Variants in CSMD1 observed in about 807,000 individuals in gnomAD.
CSMD1 encodes CUB and Sushi multiple domains 1.
Under a neutral mutation model 417.5 loss-of-function variants are expected in CSMD1, and 213 were observed. The observed-to-expected ratio is 0.51, with a 90% CI of 0.46 to 0.57. CSMD1 has a LOEUF of 0.57. CSMD1 is among the 20% of genes least tolerant of loss of function. The probability of loss-of-function intolerance (pLI) is 0.00; values close to 1 mark genes in which losing one functional copy is unlikely to be tolerated. For synonymous variants in CSMD1, 2,862 were observed against 1,736.8 expected, an observed-to-expected ratio of 1.65 and a Z score of -16.11; for missense variants, 6,923 against 4,529.7, an observed-to-expected ratio of 1.53 and a Z score of -15.17.
At chr8:4,177,026 C>G (rs71523616) in intron 3 of CSMD1, among the ~76,000 whole-genome samples, 45,558 of 151,882 alleles carry the variant, frequency 0.3, 8,483 homozygotes, top group Non-Finnish European at 0.4. Context: ...ATCAACGAGA[C>G]AGAAAGTCAA....
chr8:3,890,712 A>T (rs1031936735), intron 5 of CSMD1, among the ~76,000 whole-genome samples: 7 of 152,222 alleles, frequency 4.6e-5, no homozygotes, highest in Non-Finnish European at 1.0e-4. Flanking sequence ...CATTTAAAGG[A>T]AGATATTGGG....
intron 2 of CSMD1, among the ~76,000 whole-genome samples, chr8:4,541,066 G>C (rs1020665470): frequency 2.0e-5 from 3 of 152,184 alleles, no homozygotes; most frequent in African/African-American, 7.2e-5. Flanking sequence ...GAAACTCTAA[G>C]GACATTTTTG....
intron 1 of CSMD1, among the ~76,000 whole-genome samples, chr8:4,722,298 GA>G (rs1347569237): frequency 2.6e-5 from 4 of 151,794 alleles, no homozygotes; most frequent in African/African-American, 9.7e-5. Context: ...GCAAGAAAGA[GA>G]AAAAAATTGT....
chr8:3,652,381 A>G (rs572614752), intron 7 of CSMD1, among the ~76,000 whole-genome samples: 13 of 152,356 alleles, frequency 8.5e-5, no homozygotes, highest in African/African-American at 2.9e-4. Context: ...CAGAGCGCTT[A>G]GCACCATCAC....
intron 1 of CSMD1, among the ~76,000 whole-genome samples, chr8:4,749,284 T>A (rs535778476): frequency 6.6e-6 from 1 of 152,376 alleles, no homozygotes; most frequent in South Asian, 2.1e-4. Flanking sequence ...TACTACAGAT[T>A]TCTTCCAAGG....
At chr8:4,022,333 T>C (rs552556538) in intron 4 of CSMD1, among the ~76,000 whole-genome samples, 5 of 152,120 alleles carry the variant, frequency 3.3e-5, no homozygotes, top group South Asian at 4.2e-4. Context: ...ACCCCTCCAA[T>C]TCAGCAGAAG....
chr8:3,060,280 G>A (rs1585250551), intron 49 of CSMD1, among the ~76,000 whole-genome samples: 1 of 151,820 alleles, frequency 6.6e-6, no homozygotes, highest in Admixed American at 6.6e-5. Flanking sequence ...TGAGTAGCTG[G>A]GATTACAGGC....
chr8:4,978,769 C>A (rs4272399), intron 1 of CSMD1, among the ~76,000 whole-genome samples: 43,353 of 151,936 alleles, frequency 0.29, 7,651 homozygotes, highest in East Asian at 0.52. Context: ...GAAACCCCGT[C>A]TCCACTAAAA....
intron 7 of CSMD1, among the ~76,000 whole-genome samples, chr8:3,687,576 A>T (rs1191333644): frequency 6.6e-6 from 1 of 152,160 alleles, no homozygotes. Context: ...TTCCAGTTTC[A>T]ATGAACTGCT....
intron 3 of CSMD1, among the ~76,000 whole-genome samples, chr8:4,170,491 T>A (rs1402855532): frequency 6.6e-6 from 1 of 151,920 alleles, no homozygotes; most frequent in Non-Finnish European, 1.5e-5. Context: ...CTGACTGTAA[T>A]GAGATTAATG....
intron 30 of CSMD1, among the ~76,000 whole-genome samples, chr8:3,208,517 G>A (rs763442585): frequency 3.3e-5 from 5 of 152,058 alleles, no homozygotes; most frequent in African/African-American, 4.8e-5. Flanking sequence ...CACCTACCTC[G>A]GCCTCCCAAG....
At chr8:4,060,733 A>C (rs544479954) in intron 3 of CSMD1, among the ~76,000 whole-genome samples, 1 of 152,192 alleles carries the variant, frequency 6.6e-6, no homozygotes, top group African/African-American at 2.4e-5. Flanking sequence ...GATGTGCTCA[A>C]AGCATCACAG....
At chr8:3,753,899 T>TA in intron 6 of CSMD1, 31 bp downstream of exon 6, 1 of 1,468,590 alleles carries the variant, frequency 6.8e-7, no homozygotes, top group Admixed American at 1.8e-5. Context: ...GCTCTGTTTT[T>TA]TTTTTTTCTT....
At position 3,194,954 on chromosome 8, in the gene CSMD1, T is replaced by C. The variant is rs550629649; in HGVS notation, c.5194+4760A>G. Among the ~76,000 whole-genome samples the C allele has an allele frequency of 2.6e-5, 4 of 152,050 alleles. No homozygotes were observed. In the East Asian group the frequency reaches 7.8e-4, roughly 30 times the overall value. On this transcript the variant is annotated intron_variant, in intron 33 of 69. Transcript: ENST00000635120. ...CATGACTTGAAAAAGTCCTGGCCAATAGACATTTACAAGCTGGGCACTGCG... is the reference window on the plus strand; with the variant it reads ...CATGACTTGAAAAAGTCCTGGCCAACAGACATTTACAAGCTGGGCACTGCG...
At chr8:3,599,667 G>A (rs1441565952) in intron 8 of CSMD1, among the ~76,000 whole-genome samples, 1 of 152,146 alleles carries the variant, frequency 6.6e-6, no homozygotes, top group Non-Finnish European at 1.5e-5. Context: ...GCAGCTTTAT[G>A]CCTTTAACAA....
intron 1 of CSMD1, among the ~76,000 whole-genome samples, chr8:4,940,506 G>A (rs1807923757): frequency 6.6e-6 from 1 of 152,150 alleles, no homozygotes; most frequent in African/African-American, 2.4e-5. Context: ...GCTAACCTAG[G>A]CACTTGAATT....
intron 3 of CSMD1, among the ~76,000 whole-genome samples, chr8:4,355,509 C>G (rs182016691): frequency 2.2e-4 from 34 of 152,168 alleles, no homozygotes; most frequent in African/African-American, 7.7e-4. Context: ...AGGGAACATT[C>G]AGTAGTTTAG....
intron 8 of CSMD1, among the ~76,000 whole-genome samples, chr8:3,597,864 A>G (rs1474837526): frequency 3.3e-5 from 5 of 152,322 alleles, no homozygotes; most frequent in Middle Eastern, 3.4e-3. Flanking sequence ...GAGGGATAGC[A>G]TTAGCAGAAA....
intron 7 of CSMD1, among the ~76,000 whole-genome samples, chr8:3,651,624 TC>T (rs1797862500): frequency 6.6e-6 from 1 of 152,078 alleles, no homozygotes; most frequent in Admixed American, 6.5e-5. Flanking sequence ...GTCCTTCTCA[TC>T]CACTCTATTT....
Sources: allele counts gnomAD v4.1 joint callset (sites outside exome capture counted in the v4.1 genomes callset), GRCh38; gene constraint gnomAD v4.1.1; transcripts MANE v1.5; gene names NCBI Gene and HGNC (gene_info 2026-07-23, HGNC 2026-07-21).